The following CHN1 variants were observed in gnomAD, a reference collection of about 807,000 sequenced individuals.
The protein encoded by CHN1 is chimerin 1, also known as N-chimaerin.
CHN1 carries 37 observed loss-of-function variants against 59.5 expected under a neutral mutation model. The ratio of observed to expected loss-of-function variants is 0.62; its 90% confidence interval spans 0.48 to 0.82. CHN1 has a LOEUF of 0.82. CHN1 is among the 40% of genes least tolerant of loss of function. The pLI, the probability that CHN1 is intolerant of heterozygous loss-of-function variation, is 0.00. For synonymous variants in CHN1, 206 were observed against 200.4 expected, an observed-to-expected ratio of 1.03 and a Z score of -0.24; for missense variants, 469 against 571.0, an observed-to-expected ratio of 0.82 and a Z score of 1.82.
intron 1 of CHN1, among the ~76,000 whole-genome samples, chr2:174,996,404 T>C (rs1691708958): frequency 6.6e-6 from 1 of 152,252 alleles, no homozygotes; most frequent in African/African-American, 2.4e-5. Context: ...CTTCAATCTT[T>C]GTTAATATTT....
rs1377109836 is a variant in CHN1 at position 175,005,148 on chromosome 2, C to T, written c.-236G>A. 2 of 1,289,576 alleles carry T rather than the reference C, an allele frequency of 1.6e-6. No individual in the cohort carries two copies. Among genetic ancestry groups the T allele is most frequent in the East Asian group, 3.4e-5 (1 of 29,386 alleles). The allele number at this position is 1,289,576 out of a possible 1,614,324, so 79.9% of individuals were successfully genotyped here. A position where few individuals can be genotyped will look rare whatever the true frequency, so the allele number is the denominator to read the frequency against. On this transcript the variant is annotated 5_prime_UTR_variant, in exon 1 of 13. Coordinates refer to ENST00000409900, the MANE Select transcript of CHN1 (RefSeq NM_001822.7). The stretch of plus-strand genomic sequence containing the variant: ...GGCCCAGGGAGCCCCGCTAGCTCTC[C>T]GCGAGCCGGCACTTGTCGCTGCCAT...
intron 6 of CHN1, among the ~76,000 whole-genome samples, chr2:174,864,978 C>T (rs941595510): frequency 6.6e-6 from 1 of 152,028 alleles, no homozygotes; most frequent in Non-Finnish European, 1.5e-5. Context: ...GTTGTTGTTC[C>T]TATGAAAGGA....
chr2:174,978,860 A>G (rs1383250109), intron 1 of CHN1, among the ~76,000 whole-genome samples: 1 of 152,238 alleles, frequency 6.6e-6, no homozygotes, highest in Non-Finnish European at 1.5e-5. Flanking sequence ...TCTGGAAATT[A>G]GAATGATAGC....
chr2:174,820,469 C>T lies in CHN1; in HGVS notation c.712+3965G>A, dbSNP rs111427468. Among the ~76,000 whole-genome samples the T allele has an allele frequency of 2.7e-3, 418 of 152,308 alleles. 1 individual carries two copies. The highest frequency in any genetic ancestry group is 9.2e-3 in the African/African-American group (381 of 41,562). ...ATTTTTAAAGGTTACCTACTTGGGT[C>T]ATAAATATTCTAGCCGGAGGAGCAC... On this transcript the variant is annotated intron_variant, in intron 8 of 12. Transcript: ENST00000409900.
chr2:175,004,292 A>G (rs1399257150), intron 1 of CHN1, among the ~76,000 whole-genome samples: 1 of 152,268 alleles, frequency 6.6e-6, no homozygotes, highest in African/African-American at 2.4e-5. Flanking sequence ...TTCTTAATGA[A>G]TACTCAGTCT....
At chr2:174,855,847 T>C (rs1185074346) in intron 6 of CHN1, among the ~76,000 whole-genome samples, 1 of 152,122 alleles carries the variant, frequency 6.6e-6, no homozygotes, top group African/African-American at 2.4e-5. Flanking sequence ...AAAGCTCTGA[T>C]AAATTAAGTA....
chr2:174,807,564 C>T (rs1157701362), intron 11 of CHN1, among the ~76,000 whole-genome samples: 1 of 149,100 alleles, frequency 6.7e-6, no homozygotes, highest in Non-Finnish European at 1.5e-5. Context: ...AAATGTCTGC[C>T]CCATGAGACA....
At chr2:174,893,799 C>G (rs1688126076) in intron 5 of CHN1, among the ~76,000 whole-genome samples, 1 of 152,088 alleles carries the variant, frequency 6.6e-6, no homozygotes, top group Admixed American at 6.6e-5. Flanking sequence ...TGAAAGAGAA[C>G]AGAGAGCTCA....
rs527333684 is a variant in CHN1 at position 174,981,624 on chromosome 2, CAG to C, written c.19+23268_19+23269del. On this transcript the variant is annotated intron_variant, in intron 1 of 12. Coordinates refer to ENST00000409900, the MANE Select transcript of CHN1 (RefSeq NM_001822.7). ...AATAAATTCTTCTAATTTCTGTTAA[CAG>C]ACTTATACATGTCTGAATACTTAAT... Among the ~76,000 whole-genome samples the C allele has an allele frequency of 6.4e-3, 971 of 152,272 alleles. 14 individuals carry two copies. The highest frequency in any genetic ancestry group is 0.022 in the African/African-American group (922 of 41,550).
intron 1 of CHN1, among the ~76,000 whole-genome samples, chr2:174,960,405 C>T (rs747287143): frequency 6.6e-6 from 1 of 152,162 alleles, no homozygotes; most frequent in African/African-American, 2.4e-5. Flanking sequence ...AGGACTTTAC[C>T]TTTTAATCTC....
At chr2:174,884,375 C>T (rs116139577) in intron 5 of CHN1, among the ~76,000 whole-genome samples, 17 of 151,058 alleles carry the variant, frequency 1.1e-4, no homozygotes, top group Admixed American at 2.6e-4. Context: ...CACACATTTA[C>T]ACAATGGATG....
chr2:174,974,894 T>C (rs1295446053), intron 1 of CHN1, among the ~76,000 whole-genome samples: 1 of 77,210 alleles, frequency 1.3e-5, no homozygotes, highest in African/African-American at 5.0e-5. Context: ...TAAGAAATAA[T>C]TAATACACAC....
intron 1 of CHN1, among the ~76,000 whole-genome samples, chr2:174,962,909 C>CA (rs893862521): frequency 1.3e-5 from 2 of 151,772 alleles, no homozygotes; most frequent in Non-Finnish European, 2.9e-5. Flanking sequence ...GACCCTGTCT[C>CA]AAAAAATAAT....
At chr2:174,906,683 T>C (rs1688553409) in intron 5 of CHN1, among the ~76,000 whole-genome samples, 1 of 152,216 alleles carries the variant, frequency 6.6e-6, no homozygotes, top group African/African-American at 2.4e-5. Context: ...GATGCAATTT[T>C]ATAATACATA....
intron 3 of CHN1, among the ~76,000 whole-genome samples, chr2:174,923,926 C>T (rs12993340): frequency 0.42 from 64,310 of 151,876 alleles, 13,907 homozygotes; most frequent in Admixed American, 0.51. Context: ...AGCACTATAT[C>T]GAAAATAAAA....
chr2:174,958,383 G>C (rs1002868607), intron 1 of CHN1, among the ~76,000 whole-genome samples: 6 of 152,184 alleles, frequency 3.9e-5, no homozygotes, highest in Non-Finnish European at 8.8e-5. Flanking sequence ...AGTCCATGAA[G>C]GTGGTTGGGG....
chr2:174,922,080 T>C (rs1229194954), intron 3 of CHN1, among the ~76,000 whole-genome samples: 2 of 152,216 alleles, frequency 1.3e-5, no homozygotes, highest in Non-Finnish European at 2.9e-5. Flanking sequence ...CTCAGTGTAC[T>C]AAGAATATGT....
chr2:174,998,021 G>T (rs1691767631), intron 1 of CHN1, among the ~76,000 whole-genome samples: 1 of 148,472 alleles, frequency 6.7e-6, no homozygotes, highest in African/African-American at 2.5e-5. Flanking sequence ...TACAAGATAG[G>T]GCCGGGCACA....
intron 3 of CHN1, among the ~76,000 whole-genome samples, chr2:174,929,940 C>G (rs1232499104): frequency 6.6e-6 from 1 of 152,190 alleles, no homozygotes; most frequent in Non-Finnish European, 1.5e-5. Flanking sequence ...GTGTGTTTTC[C>G]TCTTAGTGTT....
Sources: allele counts gnomAD v4.1 joint callset (sites outside exome capture counted in the v4.1 genomes callset), GRCh38; gene constraint gnomAD v4.1.1; transcripts MANE v1.5; gene names NCBI Gene and HGNC (gene_info 2026-07-23, HGNC 2026-07-21).